Variants in DNAH5 observed in about 807,000 individuals in gnomAD.
DNAH5 encodes the protein axonemal beta dynein heavy chain 5.
DNAH5 carries 372 observed loss-of-function variants against 518.2 expected under a neutral mutation model. The observed-to-expected ratio is 0.72, with a 90% CI of 0.66 to 0.78. The LOEUF (loss-of-function observed/expected upper bound fraction) is 0.78. Among genes scored for constraint, DNAH5 ranks in the 30% least tolerant of loss-of-function variants. The pLI is 0.00. For missense variants in DNAH5, 5,523 were observed against 5,687.0 expected (o/e 0.97, Z 0.93); for synonymous variants, 2,039 against 2,025.9 (o/e 1.01, Z -0.17).
At chr5:13,862,020 A>T (rs560063792) in intron 29 of DNAH5, among the ~76,000 whole-genome samples, 1 of 152,016 alleles carries the variant, frequency 6.6e-6, no homozygotes, top group Admixed American at 6.5e-5. Context: ...TATAAAAAAT[A>T]GAGTATGTAA....
intron 78 of DNAH5, among the ~76,000 whole-genome samples, chr5:13,696,125 T>C (rs1741356677): frequency 6.6e-6 from 1 of 152,186 alleles, no homozygotes; most frequent in African/African-American, 2.4e-5. Flanking sequence ...ACTTTTTCCT[T>C]AGCAGGAAAT....
At chr5:13,835,616 T>C (rs1764279778) in intron 35 of DNAH5, among the ~76,000 whole-genome samples, 1 of 152,082 alleles carries the variant, frequency 6.6e-6, no homozygotes, top group African/African-American at 2.4e-5. Flanking sequence ...GGCCAGTTTT[T>C]TCGAGGGCTA....
intron 21 of DNAH5, among the ~76,000 whole-genome samples, chr5:13,877,801 CCA>C (rs753001989): frequency 1.3e-5 from 2 of 152,152 alleles, no homozygotes; most frequent in Non-Finnish European, 2.9e-5. Flanking sequence ...TCTTAATTCA[CCA>C]ATTCTGAGAG....
At chr5:13,856,354 A>G (rs1034556192) in intron 30 of DNAH5, among the ~76,000 whole-genome samples, 6 of 152,346 alleles carry the variant, frequency 3.9e-5, no homozygotes, top group African/African-American at 1.4e-4. Context: ...CTGCCATCAG[A>G]GAATACTATA....
intron 9 of DNAH5, among the ~76,000 whole-genome samples, chr5:13,915,992 G>A (rs867406323): frequency 7.2e-5 from 11 of 152,022 alleles, no homozygotes; most frequent in Admixed American, 2.6e-4. Flanking sequence ...TATGAAATAT[G>A]AAACAGGAGA....
intron 65 of DNAH5, among the ~76,000 whole-genome samples, chr5:13,739,715 A>G (rs1238777693): frequency 6.6e-6 from 1 of 152,160 alleles, no homozygotes; most frequent in Non-Finnish European, 1.5e-5. Context: ...ATGCACACAG[A>G]CATGGAGGGA....
chr5:13,722,691 A>G (rs1176059823), intron 70 of DNAH5, among the ~76,000 whole-genome samples: 2 of 152,234 alleles, frequency 1.3e-5, no homozygotes, highest in Non-Finnish European at 2.9e-5. Flanking sequence ...AAAACACAAA[A>G]AGAGGAGCAT....
At chr5:13,794,533 C>G (rs191070928) in intron 47 of DNAH5, among the ~76,000 whole-genome samples, 21 of 152,342 alleles carry the variant, frequency 1.4e-4, no homozygotes, top group Admixed American at 1.2e-3. Context: ...CATACCCACT[C>G]TTTTGGGCAG....
At chr5:13,807,835 A>G in intron 46 of DNAH5, 110 bp from the exon 47 acceptor site, 2 of 926,470 alleles carry the variant, frequency 2.2e-6, no homozygotes, top group South Asian at 1.6e-5. Flanking sequence ...GTACCTTAAA[A>G]TGTGATTCTA....
intron 78 of DNAH5, among the ~76,000 whole-genome samples, chr5:13,696,457 T>C (rs867240428): frequency 1.6e-4 from 25 of 152,200 alleles, no homozygotes; most frequent in African/African-American, 4.6e-4. Flanking sequence ...AGTTTCAGGG[T>C]ATATCACTCA....
intron 59 of DNAH5, among the ~76,000 whole-genome samples, chr5:13,765,067 T>C (rs1043732247): frequency 6.6e-6 from 1 of 152,236 alleles, no homozygotes; most frequent in African/African-American, 2.4e-5. Flanking sequence ...GTATTGTATC[T>C]ACATGGTGGA....
intron 1 of DNAH5, among the ~76,000 whole-genome samples, chr5:13,979,842 G>GTT (rs397883750): frequency 0.021 from 2,840 of 135,772 alleles, 73 homozygotes; most frequent in Admixed American, 0.039. Context: ...GTTTTTTGGG[G>GTT]TTTTTTTTTT....
intron 68 of DNAH5, among the ~76,000 whole-genome samples, chr5:13,730,686 G>A (rs1245083671): frequency 2.0e-5 from 3 of 151,256 alleles, no homozygotes; most frequent in Non-Finnish European, 4.4e-5. Context: ...TGCCCACCTC[G>A]GCCTCCCAAA....
chr5:13,994,230 C>A (rs1783769333), intron 1 of DNAH5, among the ~76,000 whole-genome samples: 1 of 152,166 alleles, frequency 6.6e-6, no homozygotes, highest in Non-Finnish European at 1.5e-5. Context: ...CTCACTCTGC[C>A]TTTGACCCCA....
chr5:13,954,135 C>A (rs1242722129), intron 1 of DNAH5, among the ~76,000 whole-genome samples: 1 of 152,182 alleles, frequency 6.6e-6, no homozygotes, highest in African/African-American at 2.4e-5. Context: ...GGAAATGTTA[C>A]ATATTTTAAG....
intron 31 of DNAH5, among the ~76,000 whole-genome samples, chr5:13,848,536 A>G (rs981858669): frequency 6.6e-6 from 1 of 152,210 alleles, no homozygotes; most frequent in Non-Finnish European, 1.5e-5. Context: ...TACATAATGA[A>G]ATAATTCTAC....
At chr5:13,950,566 A>G (rs10052126) in intron 1 of DNAH5, among the ~76,000 whole-genome samples, 4,566 of 152,184 alleles carry the variant, frequency 0.03, 235 homozygotes, top group African/African-American at 0.1. Context: ...AAGAGCCACC[A>G]CACCCAGCCG....
chr5:13,868,343 TA>T (rs1002095399), intron 24 of DNAH5, among the ~76,000 whole-genome samples: 14 of 152,290 alleles, frequency 9.2e-5, no homozygotes, highest in African/African-American at 3.4e-4. Flanking sequence ...TTCTATCAAG[TA>T]AATAAAAAAC....
rs147189240 is a variant in DNAH5, at chr5:13,970,026, G to A, written c.13-38782C>T. Among the ~76,000 whole-genome samples the A allele has an allele frequency of 1.3e-3, 204 of 152,240 alleles. 4 individuals are homozygous for A. In the East Asian group the frequency reaches 0.029, roughly 21 times the overall value. ...ATTGTGATATTTTCCTGTTGGACTA[G>A]TCCTTTTATCATTATATAATATCCC... is the stretch of plus-strand genomic sequence containing the variant. On this transcript the variant is annotated intron_variant, in intron 1 of 78. Transcript: ENST00000681290.
Sources: allele counts gnomAD v4.1 joint callset (sites outside exome capture counted in the v4.1 genomes callset), GRCh38; gene constraint gnomAD v4.1.1; transcripts MANE v1.5; gene names NCBI Gene and HGNC (gene_info 2026-07-23, HGNC 2026-07-21).